The following TJP3 variants were observed in gnomAD, a reference collection of about 807,000 sequenced individuals.
TJP3 encodes the protein tight junction protein 3.
A neutral mutation model predicts 104.2 loss-of-function variants in TJP3; 85 were observed. That is an observed-to-expected ratio of 0.82 (90% CI 0.68 to 0.98). The LOEUF (loss-of-function observed/expected upper bound fraction) is 0.98, where lower values mean the gene tolerates loss of function less well. TJP3 is among the 50% of genes least tolerant of loss of function. The probability of loss-of-function intolerance (pLI) is 0.00; values close to 1 mark genes in which losing one functional copy is unlikely to be tolerated. For missense variants in TJP3, 1,367 were observed against 1,322.8 expected, an observed-to-expected ratio of 1.03 and a Z score of -0.52; for synonymous variants, 550 against 550.6, an observed-to-expected ratio of 1.00 and a Z score of 0.02.
chr19:3,722,926 C>T (rs888754279), intron 1 of TJP3, among the ~76,000 whole-genome samples: 9 of 131,642 alleles, frequency 6.8e-5, no homozygotes, highest in Non-Finnish European at 1.3e-4. Flanking sequence ...TTGGTACCGG[C>T]CCCGTCCCCT....
At chr19:3,738,456 G>A in intron 11 of TJP3, 99 bp from the exon 12 acceptor site, 1 of 1,036,250 alleles carries the variant, frequency 9.7e-7, no homozygotes, top group Non-Finnish European at 1.4e-6. Flanking sequence ...AGCTCTGGAA[G>A]CAGCTGGGGC....
rs796216742 is a variant in TJP3, at chr19:3,735,751, T to C, written c.1060+112T>C. The C allele has an allele frequency of 5.7e-6, 9 of 1,584,882 alleles. No individual in the cohort carries two copies. The African/African-American group carries it at 1.2e-4, about 21-fold the overall frequency. On this transcript the variant is annotated intron_variant, in intron 9 of 20. Transcript: ENST00000541714. ...CCTGAGCCTAAGTGGTGAGACATGGTTTCCTGAGAAGGACTCGAGGTGGGT... is the reference window on the plus strand; with the variant it reads ...CCTGAGCCTAAGTGGTGAGACATGGCTTCCTGAGAAGGACTCGAGGTGGGT...
rs1452404913 is a variant in TJP3, at chr19:3,750,103, G to A, written c.2611-35G>A. On this transcript the variant is annotated intron_variant, in intron 19 of 20. Transcript: ENST00000541714. ...GATCTCGACTCACCATGCTCTGGGGGGAGTTTTGAAGCTCCTCTCTCCCTC... is the reference window on the plus strand; with the variant it reads ...GATCTCGACTCACCATGCTCTGGGGAGAGTTTTGAAGCTCCTCTCTCCCTC... 12 of 1,613,844 alleles carry A rather than the reference G, an allele frequency of 7.4e-6. No individual in the cohort carries two copies. The Admixed American group carries it at 2.0e-4, about 27-fold the overall frequency.
At position 3,730,253 on chromosome 19, in the gene TJP3, G is replaced by C. The variant is rs988009866; in HGVS notation, c.262-102G>C. ...CTCATCTTACAGTTTGGACATTGAG[G>C]CCCAGAGAGAGACTGGTGTCCCCCA... On this transcript the variant is annotated intron_variant, in intron 4 of 20. Transcript: ENST00000541714. This position sits in a 1 kb window ranked among gnomAD's most constrained non-coding sequence, Gnocchi z 7.3. 8.1e-6 allele frequency: 12 copies of C among 1,483,238 alleles called. No individual in the cohort carries two copies. The African/African-American group carries it at 1.4e-4, about 17-fold the overall frequency. 91.9% of individuals were successfully genotyped at this position (1,483,238 alleles called of 1,614,324 possible). A position where few individuals can be genotyped will look rare whatever the true frequency, so the allele number is the denominator to read the frequency against.
chr19:3,723,676 C>T (rs1436455666), intron 1 of TJP3, among the ~76,000 whole-genome samples: 1 of 151,514 alleles, frequency 6.6e-6, no homozygotes. Context: ...GCCTGTAATT[C>T]TAGCTACTTG....
intron 19 of TJP3, among the ~76,000 whole-genome samples, chr19:3,749,119 C>T (rs796797217): frequency 7.3e-5 from 11 of 151,468 alleles, no homozygotes; most frequent in East Asian, 2.0e-4. Flanking sequence ...TGATCCACGT[C>T]GGCCTCTCAG....
Position 3,738,630 on chromosome 19 carries a change from G to T in TJP3, c.1360G>T (p.Glu454Ter). 1 of 1,613,918 alleles carries T rather than the reference G, an allele frequency of 6.2e-7. No individual in the cohort carries two copies. The highest frequency in any genetic ancestry group is 1.1e-5 in the South Asian group (1 of 91,068). ...CCTGCTGGGGCTGCCACCAGGCGAG[G>T]AGATGGAGCTGGTGACGCAGAGGAA... ...QFLLGLPPGE[E>*]MELVTQRKQD... The change falls in exon 12 of 21, where the codon GAG becomes TAG. Residue 454 changes from glutamate to a stop codon, truncating the protein, a stop_gained. Transcript: ENST00000541714. LOFTEE classifies it high-confidence loss of function.
At chr19:3,719,010 C>A (rs982394637) in intron 1 of TJP3, among the ~76,000 whole-genome samples, 1 of 151,730 alleles carries the variant, frequency 6.6e-6, no homozygotes, top group Non-Finnish European at 1.5e-5. Context: ...ATGGTGAAAC[C>A]CCGTCTCTAC....
rs748006541 is a variant in TJP3, at chr19:3,734,352, A to T, written c.903A>T (p.Leu301=). Reference sequence around the variant, plus strand: ...ACATCTCGGACCTCGCCTCGGAGCTATCGCAGGCACCACCATCCCACATCC... The same window carrying T: ...ACATCTCGGACCTCGCCTCGGAGCTTTCGCAGGCACCACCATCCCACATCC... ...LEDISDLASE[L]SQAPPSHIPP... Residue 301 remains leucine, a synonymous_variant, in exon 8 of 21, where the codon CTA becomes CTT. Transcript: ENST00000541714. 3.0e-5 allele frequency: 48 copies of T among 1,613,688 alleles called. No individual in the cohort carries two copies. Among genetic ancestry groups the T allele is most frequent in the Non-Finnish European group, 3.8e-5 (45 of 1,179,996 alleles).
chr19:3,743,034 G>A (rs2036843688), intron 14 of TJP3, among the ~76,000 whole-genome samples: 1 of 151,972 alleles, frequency 6.6e-6, no homozygotes, highest in Non-Finnish European at 1.5e-5. Flanking sequence ...GGGAGGCCGA[G>A]GCGGGCGGAT....
In TJP3 at chr19:3,746,340, T is replaced by A; in HGVS notation, c.2011-145T>A. 1.1e-6 allele frequency: 1 copy of A among 918,290 alleles called. No individual in the cohort carries two copies. Among genetic ancestry groups the A allele is most frequent in the Non-Finnish European group, 1.6e-6 (1 of 612,600 alleles). The allele number at this position is 918,290 out of a possible 1,614,324, so 56.9% of individuals were successfully genotyped here. A position where few individuals can be genotyped will look rare whatever the true frequency, so the allele number is the denominator to read the frequency against. ...CCCAAGATGCTGCGACCTGGGCTGT[T>A]ACCACCCCCATCCCCAACTTGCTAG... On this transcript the variant is annotated intron_variant, in intron 16 of 20. Transcript: ENST00000541714. This position sits in a 1 kb window ranked among gnomAD's most constrained non-coding sequence, Gnocchi z 4.1.
At chr19:3,728,795 G>C in intron 3 of TJP3, 82 bp downstream of exon 3, 1 of 1,454,104 alleles carries the variant, frequency 6.9e-7, no homozygotes, top group Non-Finnish European at 9.5e-7. Context: ...ACTCACACCC[G>C]TCATCCCAGC....
chr19:3,746,957 C>T lies in TJP3; in HGVS notation c.2322+81C>T, dbSNP rs933622350. 13 of 1,369,882 alleles carry T rather than the reference C, an allele frequency of 9.5e-6. No individual in the cohort carries two copies. The highest frequency in any genetic ancestry group is 2.9e-5 in the African/African-American group (2 of 69,416). The allele number at this position is 1,369,882 out of a possible 1,614,324, so 84.9% of individuals were successfully genotyped here. ...CCCAGCTGGGGTTTGGGGCCTCTGTCGGGAGTTAGGGCTTGGTCAGGGATC... is the reference window on the plus strand; with the variant it reads ...CCCAGCTGGGGTTTGGGGCCTCTGTTGGGAGTTAGGGCTTGGTCAGGGATC... On this transcript the variant is annotated intron_variant, in intron 18 of 20. Coordinates refer to ENST00000541714, the MANE Select transcript of TJP3 (RefSeq NM_001267560.2). This position sits in a 1 kb window ranked among gnomAD's most constrained non-coding sequence, Gnocchi z 4.1.
intron 1 of TJP3, among the ~76,000 whole-genome samples, chr19:3,723,942 C>T (rs1250726156): frequency 1.3e-5 from 2 of 151,920 alleles, no homozygotes; most frequent in East Asian, 1.9e-4. Context: ...GTGGCAGGGG[C>T]CAGCCAGGCA....
At chr19:3,716,652 G>T (rs1257555366) in intron 1 of TJP3, among the ~76,000 whole-genome samples, 1 of 146,140 alleles carries the variant, frequency 6.8e-6, no homozygotes, top group Admixed American at 7.0e-5. Context: ...TTGAGACAGC[G>T]TCTAGCTCTG....
intron 1 of TJP3, among the ~76,000 whole-genome samples, chr19:3,719,822 T>C (rs2036526278): frequency 6.6e-6 from 1 of 152,156 alleles, no homozygotes; most frequent in African/African-American, 2.4e-5. Context: ...CAATTCTTGC[T>C]TCGGTCGGAA....
intron 1 of TJP3, chr19:3,722,024 G>C (rs757766197): frequency 7.4e-6 from 4 of 543,222 alleles, no homozygotes; most frequent in Non-Finnish European, 8.3e-6. Flanking sequence ...TACATAACAG[G>C]CAGGGAAACT....
At chr19:3,709,920 C>T (rs886984724) in intron 1 of TJP3, among the ~76,000 whole-genome samples, 3 of 151,916 alleles carry the variant, frequency 2.0e-5, no homozygotes, top group East Asian at 1.9e-4. Flanking sequence ...GAGGTCGAGG[C>T]GAGTGGATCA....
intron 1 of TJP3, among the ~76,000 whole-genome samples, chr19:3,725,288 C>A (rs892166422): frequency 1.3e-5 from 2 of 151,348 alleles, no homozygotes; most frequent in East Asian, 3.9e-4. Context: ...ATCAACCAAC[C>A]AACCAACCAA....
Sources: gnomAD v4.1 joint callset for allele counts (sites outside exome capture counted in the v4.1 genomes callset) on GRCh38, gnomAD v4.1.1 for gene constraint, Gnocchi (gnomAD v3.1) non-coding constraint, MANE v1.5 for transcripts, NCBI Gene and HGNC (gene_info 2026-07-23, HGNC 2026-07-21) for gene names.